The following COG5 variants were observed in gnomAD, a reference collection of about 807,000 sequenced individuals.
The protein encoded by COG5 is component of oligomeric golgi complex 5, also known as conserved oligomeric Golgi complex subunit 5.
In COG5, 86 loss-of-function variants were observed where a neutral mutation model predicts 110.4. That is an observed-to-expected ratio of 0.78 (90% CI 0.65 to 0.93). COG5 has a LOEUF of 0.93. COG5 is among the 40% of genes least tolerant of loss of function. The pLI, the probability that COG5 is intolerant of heterozygous loss-of-function variation, is 0.00. For missense variants in COG5, 1,077 were observed against 987.0 expected, an observed-to-expected ratio of 1.09 and a Z score of -1.22; for synonymous variants, 360 against 334.6, an observed-to-expected ratio of 1.08 and a Z score of -0.83.
At chr7:107,266,634 C>T (rs1332822558) in intron 14 of COG5, among the ~76,000 whole-genome samples, 4 of 152,020 alleles carry the variant, frequency 2.6e-5, no homozygotes, top group Non-Finnish European at 5.9e-5. Flanking sequence ...CGTAGGAATA[C>T]GAGTTATTCC....
chr7:107,454,548 G>T (rs895109415), intron 6 of COG5, among the ~76,000 whole-genome samples: 1 of 152,008 alleles, frequency 6.6e-6, no homozygotes, highest in Non-Finnish European at 1.5e-5. Flanking sequence ...AATGCCCTTT[G>T]TGTTTCTTAG....
chr7:107,509,026 A>G (rs1799271025), intron 6 of COG5, among the ~76,000 whole-genome samples: 1 of 152,238 alleles, frequency 6.6e-6, no homozygotes, highest in South Asian at 2.1e-4. Context: ...CCTCACCAGC[A>G]ATGGAACAAA....
At chr7:107,432,426 G>A (rs1278419095) in intron 6 of COG5, among the ~76,000 whole-genome samples, 2 of 152,088 alleles carry the variant, frequency 1.3e-5, no homozygotes, top group African/African-American at 4.8e-5. Flanking sequence ...CAAAAGAGAG[G>A]GAGTGGAAGT....
intron 7 of COG5, among the ~76,000 whole-genome samples, chr7:107,377,381 C>A (rs989847446): frequency 5.9e-5 from 9 of 152,058 alleles, no homozygotes; most frequent in Admixed American, 3.3e-4. Context: ...ATTGTCTTAA[C>A]TTTTTTTAGT....
intron 7 of COG5, among the ~76,000 whole-genome samples, chr7:107,406,833 C>T (rs1275778017): frequency 6.6e-6 from 1 of 151,988 alleles, no homozygotes; most frequent in Non-Finnish European, 1.5e-5. Flanking sequence ...ATGTATACAT[C>T]AAAAACATGT....
At chr7:107,466,958 C>T (rs1202266556) in intron 6 of COG5, among the ~76,000 whole-genome samples, 1 of 152,176 alleles carries the variant, frequency 6.6e-6, no homozygotes, top group Non-Finnish European at 1.5e-5. Context: ...ATCTTCAAAA[C>T]TGTGGCATCA....
At chr7:107,534,242 GA>G (rs1801417091) in intron 5 of COG5, among the ~76,000 whole-genome samples, 1 of 151,560 alleles carries the variant, frequency 6.6e-6, no homozygotes, top group Non-Finnish European at 1.5e-5. Context: ...TCAACACTAT[GA>G]AGAATCTGCA....
intron 8 of COG5, among the ~76,000 whole-genome samples, chr7:107,372,194 A>C (rs968988023): frequency 1.3e-5 from 2 of 152,202 alleles, no homozygotes; most frequent in Non-Finnish European, 2.9e-5. Context: ...GGGTACCAGA[A>C]TTATCATAAA....
rs79007439 is a variant in COG5, at chr7:107,528,094, C to CT, written c.418-738dup. Among the ~76,000 whole-genome samples, 388 of 144,108 alleles carry CT rather than the reference C, an allele frequency of 2.7e-3. 1 individual carries two copies. Among genetic ancestry groups the CT allele is most frequent in the South Asian group, 4.2e-3 (19 of 4,504 alleles). 94.5% of individuals were successfully genotyped at this position (144,108 alleles called of 152,430 possible). ...CTCTCAATTTCATTATTTTCCTAAT[C>CT]TTTTTTTTTTTTTTGAGAACAGGGT... On this transcript the variant is annotated intron_variant, in intron 5 of 21. Coordinates refer to ENST00000297135, the MANE Select transcript of COG5 (RefSeq NM_006348.5).
intron 10 of COG5, among the ~76,000 whole-genome samples, chr7:107,359,865 C>G (rs1240047901): frequency 1.3e-5 from 2 of 152,076 alleles, no homozygotes; most frequent in African/African-American, 2.4e-5. Context: ...GGGACCTACC[C>G]ACTCCAGGTC....
At chr7:107,499,889 C>T (rs1228768303) in intron 6 of COG5, among the ~76,000 whole-genome samples, 1 of 151,980 alleles carries the variant, frequency 6.6e-6, no homozygotes, top group Non-Finnish European at 1.5e-5. Flanking sequence ...CTAAAACATC[C>T]CCCAGCTCAC....
At chr7:107,520,143 T>A (rs1800223353) in intron 6 of COG5, among the ~76,000 whole-genome samples, 1 of 152,100 alleles carries the variant, frequency 6.6e-6, no homozygotes, top group Non-Finnish European at 1.5e-5. Context: ...ATGGAACATA[T>A]CTCAAAATAA....
At chr7:107,513,736 A>G (rs1036745676) in intron 6 of COG5, among the ~76,000 whole-genome samples, 1 of 152,214 alleles carries the variant, frequency 6.6e-6, no homozygotes, top group Non-Finnish European at 1.5e-5. Context: ...TGAAGAGTTC[A>G]TGTCCTTTGT....
intron 19 of COG5, among the ~76,000 whole-genome samples, chr7:107,219,865 G>A (rs2116292798): frequency 6.6e-6 from 1 of 152,256 alleles, no homozygotes; most frequent in South Asian, 2.1e-4. Flanking sequence ...AGTGTTTGAG[G>A]TGATGTTTTA....
intron 7 of COG5, among the ~76,000 whole-genome samples, chr7:107,409,231 A>G (rs1204145523): frequency 6.7e-5 from 3 of 44,844 alleles, no homozygotes; most frequent in East Asian, 7.0e-4. Context: ...AACGTCAAGG[A>G]AAAAAAAAAA....
chr7:107,431,408 A>G (rs1040143921), intron 6 of COG5, among the ~76,000 whole-genome samples: 5 of 152,250 alleles, frequency 3.3e-5, no homozygotes, highest in African/African-American at 1.2e-4. Flanking sequence ...AAACATGGCA[A>G]AGGTTTTACA....
chr7:107,503,688 G>A (rs1798780315), intron 6 of COG5, among the ~76,000 whole-genome samples: 1 of 152,016 alleles, frequency 6.6e-6, no homozygotes, highest in Admixed American at 6.5e-5. Flanking sequence ...CAGCAGTTTT[G>A]TAGTTCACCT....
In COG5 at chr7:107,256,803, A is replaced by C. The variant is rs765694520; in HGVS notation, c.1687-9T>G. ...CTCTGACTGGAAACAACCTAGAACA[A>C]GGTTTTGATCCAGTTATAGTTTCGC... On this transcript the variant is annotated splice_polypyrimidine_tract_variant and intron_variant, in intron 15 of 21. Coordinates refer to ENST00000297135, the MANE Select transcript of COG5 (RefSeq NM_006348.5). The C allele has an allele frequency of 2.5e-6, 4 of 1,601,688 alleles. No homozygotes were observed. Among genetic ancestry groups the C allele is most frequent in the Non-Finnish European group, 2.6e-6 (3 of 1,169,670 alleles).
intron 6 of COG5, among the ~76,000 whole-genome samples, chr7:107,515,763 G>C (rs1488689449): frequency 6.6e-6 from 1 of 152,062 alleles, no homozygotes; most frequent in African/African-American, 2.4e-5. Flanking sequence ...TTGATTTACT[G>C]TTAGTCAAAT....
Sources: allele counts gnomAD v4.1 joint callset (sites outside exome capture counted in the v4.1 genomes callset), GRCh38; gene constraint gnomAD v4.1.1; transcripts MANE v1.5; gene names NCBI Gene and HGNC (gene_info 2026-07-23, HGNC 2026-07-21).